The following DESI2 variants were observed in gnomAD, a reference collection of about 807,000 sequenced individuals.
DESI2 encodes the protein desumoylating isopeptidase 2.
In DESI2, 10 loss-of-function variants were observed where a neutral mutation model predicts 24.1. The observed-to-expected ratio is 0.41, with a 90% CI of 0.26 to 0.70. The LOEUF (loss-of-function observed/expected upper bound fraction) is 0.70, where lower values mean the gene tolerates loss of function less well. DESI2 is among the 30% of genes least tolerant of loss of function. The pLI, the probability that DESI2 is intolerant of heterozygous loss-of-function variation, is 0.29. For missense variants in DESI2, 122 were observed against 234.9 expected (o/e 0.52, Z 3.14); for synonymous variants, 71 against 87.7 (o/e 0.81, Z 1.06).
At chr1:244,703,352 CT>C (rs1162562641) in intron 4 of DESI2, among the ~76,000 whole-genome samples, 14 of 151,782 alleles carry the variant, frequency 9.2e-5, no homozygotes, top group Admixed American at 9.2e-4. Context: ...CATATACATT[CT>C]TTTTTGTTTG....
intron 1 of DESI2, among the ~76,000 whole-genome samples, chr1:244,655,332 T>A (rs1675609596): frequency 6.6e-6 from 1 of 152,234 alleles, no homozygotes; most frequent in South Asian, 2.1e-4. Flanking sequence ...TTCCTGCACT[T>A]ATGTCTTTAT....
At position 244,699,034 on chromosome 1, in the gene DESI2, C is replaced by T. The variant is rs1356715789; in HGVS notation, c.352-6522C>T. Among the ~76,000 whole-genome samples, 5 of 152,250 alleles carry T rather than the reference C, an allele frequency of 3.3e-5. No individual in the cohort carries two copies. The East Asian group carries it at 9.7e-4, about 29-fold the overall frequency. On this transcript the variant is annotated intron_variant, in intron 4 of 4. Transcript: ENST00000302550. ...TACTTGGGACTTCTGGACTAGCTGC[C>T]GTTTGCAACAGTGGACTTACCAGTT...
intron 4 of DESI2, among the ~76,000 whole-genome samples, chr1:244,704,737 C>T (rs937108593): frequency 3.3e-5 from 5 of 152,196 alleles, no homozygotes; most frequent in Admixed American, 6.5e-5. Context: ...CAGCTCACTG[C>T]AACCTCCGCC....
intron 1 of DESI2, among the ~76,000 whole-genome samples, chr1:244,675,487 A>G (rs1187757638): frequency 6.6e-6 from 1 of 152,088 alleles, no homozygotes; most frequent in Non-Finnish European, 1.5e-5. Context: ...AGCTTCATTC[A>G]TTTGCATGTG....
chr1:244,681,883 G>A (rs2806615), intron 1 of DESI2, among the ~76,000 whole-genome samples: 26,152 of 152,128 alleles, frequency 0.17, 2,893 homozygotes, highest in East Asian at 0.39. Flanking sequence ...GTTCCTTCCG[G>A]TGGGTTCTTG....
At chr1:244,684,684 C>T (rs183135752) in intron 1 of DESI2, among the ~76,000 whole-genome samples, 23 of 151,894 alleles carry the variant, frequency 1.5e-4, no homozygotes, top group African/African-American at 5.5e-4. Context: ...CATAATTAGC[C>T]ATTTCTCTAT....
At position 244,671,639 on chromosome 1, in the gene DESI2, T is replaced by C. The variant is rs147034001; in HGVS notation, c.43-14958T>C. 1.7e-3 allele frequency among the ~76,000 whole-genome samples: 265 copies of C among 152,342 alleles called. 2 individuals are homozygous for C. The highest frequency in any genetic ancestry group is 6.2e-3 in the African/African-American group (259 of 41,584). ...GTGTTTTTAAACTTTTGGCGTCTGC[T>C]ACTATTGAGACGACAAAATCAATGA... On this transcript the variant is annotated intron_variant, in intron 1 of 4. Coordinates refer to ENST00000302550, the MANE Select transcript of DESI2 (RefSeq NM_016076.5).
chr1:244,704,067 C>T (rs1232570763), intron 4 of DESI2, among the ~76,000 whole-genome samples: 3 of 152,150 alleles, frequency 2.0e-5, no homozygotes, highest in Non-Finnish European at 2.9e-5. Context: ...GACCATCTGA[C>T]TTTCCCTATA....
In DESI2 at chr1:244,689,443, T is replaced by TAA. The variant is rs1241534366; in HGVS notation, c.209+105_209+106dup. ...GTAAATCAAAACAAACCCAAGAAGT[T>TAA]AAAAATGTCTCTTTGTTTTAATTGC... On this transcript the variant is annotated intron_variant, in intron 3 of 4. Transcript: ENST00000302550. The surrounding 1 kb of genome is among the most constrained non-coding windows in gnomAD (Gnocchi z 4.0). 1.6e-6 allele frequency: 1 copy of TAA among 609,176 alleles called. No individual in the cohort carries two copies. Among genetic ancestry groups the TAA allele is most frequent in the Non-Finnish European group, 3.0e-6 (1 of 338,826 alleles). 37.7% of individuals were successfully genotyped at this position (609,176 alleles called of 1,614,324 possible). A position where few individuals can be genotyped will look rare whatever the true frequency, so the allele number is the denominator to read the frequency against.
intron 1 of DESI2, among the ~76,000 whole-genome samples, chr1:244,657,865 G>T (rs1202347739): frequency 6.6e-6 from 1 of 152,162 alleles, no homozygotes; most frequent in Non-Finnish European, 1.5e-5. Flanking sequence ...ACTTACCAGA[G>T]CCCCACTCCT....
intron 1 of DESI2, among the ~76,000 whole-genome samples, chr1:244,663,832 C>T (rs1228663311): frequency 1.3e-5 from 2 of 151,846 alleles, no homozygotes; most frequent in African/African-American, 4.8e-5. Context: ...TCCTGGCTAA[C>T]ACGGTGAAAC....
At chr1:244,653,750 C>T (rs1675546773) in intron 1 of DESI2, 1 of 340,158 alleles carries the variant, frequency 2.9e-6, no homozygotes, top group South Asian at 2.5e-5. Context: ...CCTGCGCTCC[C>T]AGCTCCTCTG....
intron 2 of DESI2, among the ~76,000 whole-genome samples, chr1:244,688,993 T>A (rs1208529257): frequency 6.6e-6 from 1 of 152,182 alleles, no homozygotes; most frequent in Non-Finnish European, 1.5e-5. Flanking sequence ...TGTTGATCAC[T>A]CTCTTCCTGC....
At chr1:244,661,653 T>C (rs965240023) in intron 1 of DESI2, among the ~76,000 whole-genome samples, 1 of 150,480 alleles carries the variant, frequency 6.6e-6, no homozygotes, top group Admixed American at 6.6e-5. Flanking sequence ...AGTGAGAACA[T>C]GCGGTGTTTG....
chr1:244,673,904 A>G (rs1676326070), intron 1 of DESI2, among the ~76,000 whole-genome samples: 1 of 151,730 alleles, frequency 6.6e-6, no homozygotes, highest in Non-Finnish European at 1.5e-5. Flanking sequence ...TGTACAGAAG[A>G]GTTTTTGTTT....
intron 4 of DESI2, among the ~76,000 whole-genome samples, chr1:244,695,894 C>G (rs1406730741): frequency 6.6e-6 from 1 of 152,158 alleles, no homozygotes; most frequent in Non-Finnish European, 1.5e-5. Context: ...CTGCCTCAGC[C>G]TCCCAAGTAG....
At chr1:244,656,947 G>T (rs1362714559) in intron 1 of DESI2, among the ~76,000 whole-genome samples, 1 of 151,934 alleles carries the variant, frequency 6.6e-6, no homozygotes, top group African/African-American at 2.4e-5. Context: ...GCTAATTTTT[G>T]TATTTTTGTA....
intron 1 of DESI2, among the ~76,000 whole-genome samples, chr1:244,674,702 T>TAAA (rs1676356774): frequency 6.6e-6 from 1 of 152,246 alleles, no homozygotes; most frequent in African/African-American, 2.4e-5. Flanking sequence ...CATTCCTTTT[T>TAAA]ACTGAGAAAT....
At chr1:244,705,462 ACGC>A in intron 4 of DESI2, 91 bp from the exon 5 acceptor site, 1 of 1,019,656 alleles carries the variant, frequency 9.8e-7, no homozygotes, top group Non-Finnish European at 1.5e-6. Context: ...GCTTCTCTGT[ACGC>A]CGCCCCCCTC....
Sources: gnomAD v4.1 joint callset for allele counts (sites outside exome capture counted in the v4.1 genomes callset) on GRCh38, gnomAD v4.1.1 for gene constraint, Gnocchi (gnomAD v3.1) non-coding constraint, MANE v1.5 for transcripts, NCBI Gene and HGNC (gene_info 2026-07-23, HGNC 2026-07-21) for gene names.